The following PCGF3 variants were observed in gnomAD, a reference collection of about 807,000 sequenced individuals.
PCGF3 encodes polycomb group ring finger 3, also known as polycomb group RING finger protein 3.
Under a neutral mutation model 33.1 loss-of-function variants are expected in PCGF3, and 7 were observed. The ratio of observed to expected loss-of-function variants is 0.21; its 90% CI spans 0.12 to 0.40. The LOEUF (loss-of-function observed/expected upper bound fraction) is 0.40. PCGF3 is among the 10% of genes least tolerant of loss of function. The pLI is 1.00. For synonymous variants in PCGF3, 153 were observed against 121.3 expected (o/e 1.26, Z -1.72); for missense variants, 211 against 313.3 (o/e 0.67, Z 2.46).
exon 11 of PCGF3, chr4:766,054 A>G: frequency 6.2e-7 from 1 of 1,614,140 alleles, no homozygotes; most frequent in Non-Finnish European, 8.5e-7. Context: ...CTGCTGCACT[A>G]CAGACCCAAG....
intron 9 of PCGF3, 167 bp from the exon 10 acceptor site, chr4:764,817 G>C: frequency 1.7e-6 from 1 of 591,690 alleles, no homozygotes; most frequent in South Asian, 2.0e-5. Context: ...TCTCTAGGCT[G>C]TGAGGTAGGG....
At position 721,673 on chromosome 4, in the gene PCGF3, G is replaced by A. The variant is rs980326137; in HGVS notation, c.-189-8957G>A. On this transcript the variant is annotated intron_variant, in intron 1 of 10. Transcript: ENST00000362003. This position sits in a 1 kb window ranked among gnomAD's most constrained non-coding sequence, Gnocchi z 4.1. ...GGGCCTGTAGGACCCTTAGGGAGAC[G>A]GGTGGCTCTGCGTGTGGGTGTGGAG... 5.3e-5 allele frequency among the ~76,000 whole-genome samples: 8 copies of A among 152,156 alleles called. No homozygotes were observed. The highest frequency in any genetic ancestry group is 7.4e-5 in the Non-Finnish European group (5 of 68,008).
chr4:760,036 G>A (rs1196226516), intron 8 of PCGF3, among the ~76,000 whole-genome samples: 2 of 152,216 alleles, frequency 1.3e-5, no homozygotes, highest in Non-Finnish European at 2.9e-5. Context: ...CTTGCAGGCG[G>A]CCTCGCTCCA....
At chr4:742,810 G>A (rs961246650) in intron 6 of PCGF3, among the ~76,000 whole-genome samples, 1 of 152,170 alleles carries the variant, frequency 6.6e-6, no homozygotes, top group South Asian at 2.1e-4. Flanking sequence ...ACACCAGGGG[G>A]CGCTCTTAAC....
At chr4:718,880 A>G (rs555915628) in intron 1 of PCGF3, among the ~76,000 whole-genome samples, 258 of 152,340 alleles carry the variant, frequency 1.7e-3, no homozygotes, top group African/African-American at 5.9e-3. Flanking sequence ...CTTTCGAGTC[A>G]TGGACCCTTT....
chr4:764,551 C>G (rs1745254237), intron 9 of PCGF3: 2 of 157,622 alleles, frequency 1.3e-5, no homozygotes, highest in South Asian at 1.8e-4. Context: ...CATGGGGCTG[C>G]AAACCACCTC....
chr4:765,623 C>T (rs377662025), intron 10 of PCGF3, among the ~76,000 whole-genome samples: 3 of 152,302 alleles, frequency 2.0e-5, no homozygotes, highest in South Asian at 2.1e-4. Flanking sequence ...CTTTGGGCCC[C>T]TCTGAAGCAG....
intron 1 of PCGF3, among the ~76,000 whole-genome samples, chr4:707,016 G>A (rs1388346447): frequency 6.6e-6 from 1 of 152,134 alleles, no homozygotes; most frequent in African/African-American, 2.4e-5. Context: ...CCCAGCCCAG[G>A]CAGGACCCCG....
intron 9 of PCGF3, among the ~76,000 whole-genome samples, chr4:764,034 G>A (rs1367731751): frequency 2.0e-5 from 3 of 152,218 alleles, no homozygotes; most frequent in East Asian, 1.9e-4. Flanking sequence ...GGCTGCAGGG[G>A]CTTGAGGAGG....
At position 736,696 on chromosome 4, in the gene PCGF3, C is replaced by A. The variant is rs529178554; in HGVS notation, c.207-770C>A. On this transcript the variant is annotated intron_variant, in intron 5 of 10. Transcript: ENST00000362003. The stretch of plus-strand genomic sequence containing the variant: ...TCCTGAGCGCACAGGATGCAGGGAA[C>A]CCGGGGTGTCCGCAGGGACGGTGTC... 1.4e-5 allele frequency among the ~76,000 whole-genome samples: 2 copies of A among 146,064 alleles called. 1 individual carries two copies. The highest frequency in any genetic ancestry group is 3.0e-5 in the Non-Finnish European group (2 of 66,298).
intron 4 of PCGF3, chr4:734,623 C>T (rs1577415064): frequency 2.4e-6 from 3 of 1,230,952 alleles, no homozygotes; most frequent in South Asian, 2.5e-5. Flanking sequence ...TGTTTTAGCC[C>T]ATGTTCTGAT....
intron 1 of PCGF3, among the ~76,000 whole-genome samples, chr4:710,674 G>A (rs1437396907): frequency 6.6e-6 from 1 of 152,214 alleles, no homozygotes; most frequent in African/African-American, 2.4e-5. Context: ...CGTAAAAGAA[G>A]ATAAATTACA....
chr4:742,642 G>A (rs1328417484), intron 6 of PCGF3, among the ~76,000 whole-genome samples: 1 of 152,192 alleles, frequency 6.6e-6, no homozygotes, highest in Non-Finnish European at 1.5e-5. Flanking sequence ...TGGAACCTGC[G>A]AGGTTCTGGC....
chr4:735,115 G>C lies in PCGF3; in HGVS notation c.206+88G>C. ...TGGGCCTTCCCAGGCCATTAGCGCT[G>C]TACTCCCATCCTGCCTTGGCAGCAG... is the stretch of plus-strand genomic sequence containing the variant. On this transcript the variant is annotated intron_variant, in intron 5 of 10. Transcript: ENST00000362003. The C allele has an allele frequency of 3.6e-6, 5 of 1,403,124 alleles. No homozygotes were observed. In the South Asian group the frequency reaches 6.5e-5, roughly 18 times the overall value. 86.9% of individuals were successfully genotyped at this position (1,403,124 alleles called of 1,614,324 possible).
At chr4:749,231 C>T (rs772110493) in intron 8 of PCGF3, among the ~76,000 whole-genome samples, 31 of 152,222 alleles carry the variant, frequency 2.0e-4, no homozygotes, top group African/African-American at 7.5e-4. Context: ...ATGGCACGAT[C>T]TCGGCTCACT....
At chr4:726,581 C>G (rs1187591288) in intron 1 of PCGF3, among the ~76,000 whole-genome samples, 1 of 152,170 alleles carries the variant, frequency 6.6e-6, no homozygotes, top group Non-Finnish European at 1.5e-5. Flanking sequence ...TGTTTTCTGT[C>G]TCGTAAATCT....
chr4:754,315 T>C (rs1744670657), intron 8 of PCGF3, among the ~76,000 whole-genome samples: 1 of 152,232 alleles, frequency 6.6e-6, no homozygotes, highest in African/African-American at 2.4e-5. Flanking sequence ...CACTGGCTCC[T>C]GTCCGCACCC....
At chr4:727,681 T>G (rs1030144917) in intron 1 of PCGF3, among the ~76,000 whole-genome samples, 4 of 152,184 alleles carry the variant, frequency 2.6e-5, no homozygotes, top group Non-Finnish European at 5.9e-5. Flanking sequence ...TAAGCCCACG[T>G]TGTTTTCTAG....
Position 766,022 on chromosome 4 carries a change from T to G in PCGF3, c.682-10T>G. 6.2e-7 allele frequency: 1 copy of G among 1,613,870 alleles called. No homozygotes were observed. The highest frequency in any genetic ancestry group is 8.5e-7 in the Non-Finnish European group (1 of 1,179,764). On this transcript the variant is annotated splice_polypyrimidine_tract_variant and intron_variant, in intron 10 of 10. Coordinates refer to ENST00000362003, the Ensembl canonical transcript of PCGF3. ...GCTAAGCAGGCACTGTGCGTTCTTG[T>G]GTCTTCCAGAAGGCGCCGCTCCTGC...
Sources: allele counts gnomAD v4.1 joint callset (sites outside exome capture counted in the v4.1 genomes callset), GRCh38; gene constraint gnomAD v4.1.1; non-coding constraint Gnocchi (gnomAD v3.1); transcripts MANE v1.5; gene names NCBI Gene and HGNC (gene_info 2026-07-23, HGNC 2026-07-21).